The following FRRS1 variants were observed in gnomAD, a reference collection of about 807,000 sequenced individuals.
FRRS1 encodes the protein ferric chelate reductase 1, also known as ferric reductase 1.
A neutral mutation model predicts 70.7 loss-of-function variants in FRRS1; 51 were observed. The observed-to-expected ratio is 0.72, with a 90% CI of 0.58 to 0.91. The LOEUF is 0.91. Among genes scored for constraint, FRRS1 ranks in the 40% least tolerant of loss-of-function variants. The pLI, the probability that FRRS1 is intolerant of heterozygous loss-of-function variation, is 0.00. For synonymous variants in FRRS1, 225 were observed against 238.7 expected, an observed-to-expected ratio of 0.94 and a Z score of 0.53; for missense variants, 672 against 726.0, an observed-to-expected ratio of 0.93 and a Z score of 0.86.
At chr1:99,746,367 T>C (rs538444528) in intron 4 of FRRS1, among the ~76,000 whole-genome samples, 8 of 152,180 alleles carry the variant, frequency 5.3e-5, no homozygotes, top group African/African-American at 1.4e-4. Flanking sequence ...ATCGTTATTA[T>C]AGAAAAAGCC....
At chr1:99,752,324 T>A (rs1011000985) in intron 1 of FRRS1, among the ~76,000 whole-genome samples, 1 of 152,210 alleles carries the variant, frequency 6.6e-6, no homozygotes, top group Non-Finnish European at 1.5e-5. Context: ...TCTAGCTTTT[T>A]ATTGAAAGTG....
chr1:99,718,817 C>T (rs926550064), intron 10 of FRRS1, among the ~76,000 whole-genome samples: 23 of 152,132 alleles, frequency 1.5e-4, no homozygotes, highest in African/African-American at 5.6e-4. Flanking sequence ...TCACAGGCCA[C>T]TCTTTTATTA....
intron 1 of FRRS1, among the ~76,000 whole-genome samples, chr1:99,752,376 C>T (rs1157340524): frequency 2.6e-5 from 4 of 152,106 alleles, no homozygotes; most frequent in African/African-American, 9.7e-5. Context: ...ACTTACAGGC[C>T]ATTATAGGGT....
rs182571989 is a variant in FRRS1, at chr1:99,707,248, G to T, written c.*1780C>A. On this transcript the variant is annotated 3_prime_UTR_variant, in exon 17 of 17. Transcript: ENST00000646001. ...ATTCAAAAAATAAAAATATAAAAAA[G>T]AAATAATGAGAAAATTTTTGAAAAA... Among the ~76,000 whole-genome samples, 1 of 150,910 alleles carries T rather than the reference G, an allele frequency of 6.6e-6. No homozygotes were observed. The highest frequency in any genetic ancestry group is 2.5e-5 in the African/African-American group (1 of 40,620).
intron 12 of FRRS1, among the ~76,000 whole-genome samples, chr1:99,714,051 G>A (rs1164244977): frequency 2.0e-5 from 3 of 152,154 alleles, no homozygotes; most frequent in South Asian, 4.2e-4. Flanking sequence ...AGGAGAGGAC[G>A]AGGAGGTCAG....
chr1:99,754,653 C>T (rs956942480), intron 1 of FRRS1, among the ~76,000 whole-genome samples: 1 of 152,178 alleles, frequency 6.6e-6, no homozygotes, highest in Non-Finnish European at 1.5e-5. Flanking sequence ...TCCTCTCAAG[C>T]TCACATGGAA....
chr1:99,714,825 G>A (rs1654442098), intron 12 of FRRS1, among the ~76,000 whole-genome samples: 1 of 152,170 alleles, frequency 6.6e-6, no homozygotes, highest in Admixed American at 6.5e-5. Flanking sequence ...ATGATCAGGA[G>A]TCCCATTTTG....
In FRRS1 at chr1:99,707,097, C is replaced by A. The variant is rs1294803508; in HGVS notation, c.*1931G>T. 6.6e-6 allele frequency among the ~76,000 whole-genome samples: 1 copy of A among 151,954 alleles called. No individual in the cohort carries two copies. The highest frequency in any genetic ancestry group is 1.5e-5 in the Non-Finnish European group (1 of 67,982). ...GCATGGCACATATAGAATATGAACA[C>A]AGAAAGTTCATATCTAAGCCCTAAG... On this transcript the variant is annotated 3_prime_UTR_variant, in exon 17 of 17. Transcript: ENST00000646001.
At chr1:99,710,985 G>A in intron 14 of FRRS1, 36 bp from the exon 15 acceptor site, 1 of 1,583,188 alleles carries the variant, frequency 6.3e-7, no homozygotes, top group Non-Finnish European at 8.6e-7. Context: ...TTCAAATGTA[G>A]TCCCACCAAG....
At chr1:99,741,285 A>G (rs371697421) in intron 5 of FRRS1, among the ~76,000 whole-genome samples, 7 of 152,354 alleles carry the variant, frequency 4.6e-5, no homozygotes, top group South Asian at 2.1e-4. Flanking sequence ...GCAGTATTCA[A>G]TTCTTCCAAA....
chr1:99,708,589 C>G lies in FRRS1; in HGVS notation c.*439G>C. On this transcript the variant is annotated 3_prime_UTR_variant, in exon 17 of 17. Transcript: ENST00000646001. ...CTCCAGCCTGGGCGACAGAGCAAGA[C>G]TCTGTCTCAAAAAAAAAAAAAAAAA... 1 of 76,970 alleles carries G rather than the reference C, an allele frequency of 1.3e-5. No homozygotes were observed. Among genetic ancestry groups the G allele is most frequent in the Non-Finnish European group, 2.2e-5 (1 of 44,760 alleles). 4.8% of individuals were successfully genotyped at this position (76,970 alleles called of 1,614,324 possible).
intron 4 of FRRS1, among the ~76,000 whole-genome samples, chr1:99,745,842 A>G (rs1022286131): frequency 6.6e-6 from 1 of 152,024 alleles, no homozygotes; most frequent in African/African-American, 2.4e-5. Context: ...CTGTTCCTCG[A>G]GATAGTGAGC....
intron 7 of FRRS1, among the ~76,000 whole-genome samples, chr1:99,730,539 T>G (rs866202061): frequency 1.3e-5 from 2 of 151,672 alleles, no homozygotes; most frequent in Admixed American, 1.3e-4. Flanking sequence ...CTGGGCAATA[T>G]GGTGAGACTT....
intron 9 of FRRS1, among the ~76,000 whole-genome samples, chr1:99,724,776 T>G (rs1052543944): frequency 1.3e-5 from 2 of 152,024 alleles, no homozygotes; most frequent in Non-Finnish European, 2.9e-5. Context: ...TTTGTGTGCT[T>G]TGCACTGTAC....
At chr1:99,716,662 C>A (rs895897723) in intron 11 of FRRS1, among the ~76,000 whole-genome samples, 13 of 152,124 alleles carry the variant, frequency 8.5e-5, no homozygotes, top group Non-Finnish European at 1.8e-4. Context: ...GTCAAGGATA[C>A]CCTCTTACAA....
At chr1:99,727,403 C>T (rs994179310) in intron 9 of FRRS1, among the ~76,000 whole-genome samples, 1 of 152,096 alleles carries the variant, frequency 6.6e-6, no homozygotes, top group Non-Finnish European at 1.5e-5. Flanking sequence ...ACATGTATCA[C>T]CTATATCTAA....
At position 99,719,645 on chromosome 1, in the gene FRRS1, G is replaced by A. The variant is rs750310060; in HGVS notation, c.1009C>T (p.Arg337Ter). ...FLADGAANDG[R>*]IYKHSQQPLI... ...GGTTGCTGAGAGTGCTTGTAAATTC[G>A]ACCTGCAAATTAAAAACAAAATTAA... The change falls in exon 10 of 17, where the codon CGA becomes TGA. Residue 337 changes from arginine (R) to a stop codon, truncating the protein, a stop_gained and splice_region_variant. Coordinates refer to ENST00000646001, the MANE Select transcript of FRRS1 (RefSeq NM_001361041.2). LOFTEE classifies it high-confidence loss of function. 13 of 1,523,446 alleles carry A rather than the reference G, an allele frequency of 8.5e-6. No homozygotes were observed. Among genetic ancestry groups the A allele is most frequent in the African/African-American group, 5.5e-5 (4 of 72,704 alleles). The allele number at this position is 1,523,446 out of a possible 1,614,324, so 94.4% of individuals were successfully genotyped here.
At chr1:99,727,770 C>T (rs1006995088) in intron 9 of FRRS1, among the ~76,000 whole-genome samples, 2 of 152,196 alleles carry the variant, frequency 1.3e-5, no homozygotes, top group Non-Finnish European at 2.9e-5. Context: ...ATTGACATTT[C>T]CTGCAGTTCC....
chr1:99,715,655 C>A lies in FRRS1; in HGVS notation c.1254G>T (p.Met418Ile). Reference protein sequence around the residue: ...AAWFQVHRMLMFTTTVLTCIA... With the variant: ...AAWFQVHRMLIFTTTVLTCIA... Reference sequence around the variant, plus strand: ...TGCAGGTGAGGACAGTTGTGGTGAACATGAGCATCCGATGCACCTGCAAGG... The same window carrying A: ...TGCAGGTGAGGACAGTTGTGGTGAAAATGAGCATCCGATGCACCTGCAAGG... Residue 418 changes from methionine (M) to isoleucine (I), a missense_variant, in exon 12 of 17, where the codon ATG becomes ATT. Transcript: ENST00000646001. 1 of 1,612,684 alleles carries A rather than the reference C, an allele frequency of 6.2e-7. No individual in the cohort carries two copies. The highest frequency in any genetic ancestry group is 8.5e-7 in the Non-Finnish European group (1 of 1,178,736).
Sources: gnomAD v4.1 joint callset for allele counts (sites outside exome capture counted in the v4.1 genomes callset) on GRCh38, gnomAD v4.1.1 for gene constraint, MANE v1.5 for transcripts, NCBI Gene and HGNC (gene_info 2026-07-23, HGNC 2026-07-21) for gene names.